Variants in NTM observed in about 807,000 individuals in gnomAD.
The protein encoded by NTM is IgLON family member 2.
Under a neutral mutation model 42.1 loss-of-function variants are expected in NTM, and 13 were observed. The ratio of observed to expected loss-of-function variants is 0.31; its 90% CI spans 0.20 to 0.49. NTM has a LOEUF of 0.49. NTM is among the 20% of genes least tolerant of loss of function. The pLI, the probability that NTM is intolerant of heterozygous loss-of-function variation, is 0.99. For missense variants in NTM, 373 were observed against 452.8 expected, an observed-to-expected ratio of 0.82 and a Z score of 1.60; for synonymous variants, 187 against 179.2, an observed-to-expected ratio of 1.04 and a Z score of -0.35.
In NTM at chr11:132,008,467, T is replaced by C. The variant is rs140822497; in HGVS notation, c.167+96819T>C. Among the ~76,000 whole-genome samples, 486 of 152,140 alleles carry C rather than the reference T, an allele frequency of 3.2e-3. 3 individuals are homozygous for C. The highest frequency in any genetic ancestry group is 0.011 in the African/African-American group (472 of 41,476). ...ACTATGTATTTACTTTTTTCTAAGA[T>C]TCTGAATGTTAAAGCGTTAGTATAG... is the stretch of plus-strand genomic sequence containing the variant. On this transcript the variant is annotated intron_variant, in intron 2 of 8. Coordinates refer to ENST00000683400, the MANE Select transcript of NTM (RefSeq NM_001352005.2).
intron 2 of NTM, among the ~76,000 whole-genome samples, chr11:132,050,815 C>T (rs982091343): frequency 6.6e-6 from 1 of 152,222 alleles, no homozygotes; most frequent in African/African-American, 2.4e-5. Flanking sequence ...GCAGGGCTGG[C>T]TGGTGTCTCT....
intron 1 of NTM, chr11:131,535,537 C>T (rs1347425508): frequency 1.3e-5 from 2 of 152,180 alleles, no homozygotes; most frequent in Non-Finnish European, 2.9e-5. Flanking sequence ...CTGTTAACTG[C>T]TATACAAATG....
intron 1 of NTM, among the ~76,000 whole-genome samples, chr11:131,405,435 C>G (rs992055266): frequency 6.6e-6 from 1 of 151,826 alleles, no homozygotes; most frequent in Non-Finnish European, 1.5e-5. Context: ...TTGCCCAAAC[C>G]AAAACCTAAG....
intron 4 of NTM, among the ~76,000 whole-genome samples, chr11:132,263,892 A>G: frequency 6.6e-6 from 1 of 152,158 alleles, no homozygotes; most frequent in East Asian, 1.9e-4. Flanking sequence ...TACCATTCAT[A>G]TTTCTACCAA....
chr11:131,483,067 G>T (rs901815252), intron 1 of NTM, among the ~76,000 whole-genome samples: 2 of 152,196 alleles, frequency 1.3e-5, no homozygotes, highest in African/African-American at 4.8e-5. Context: ...GCATCAGGTT[G>T]TTGAAGCATT....
rs192028313 is a variant in NTM, at chr11:132,307,789, G to A, written c.627G>A (p.Ala209=). Residue 209 remains alanine, a synonymous_variant, in exon 5 of 9, where the codon GCG becomes GCA. Transcript: ENST00000683400. Reference sequence around the variant, plus strand: ...GCAGTGCCTCCAATGACGTGGCCGCGCCCGTGGTACGGAGAGTAAAGGTCA... The same window carrying A: ...GCAGTGCCTCCAATGACGTGGCCGCACCCGTGGTACGGAGAGTAAAGGTCA... The part of the protein sequence containing the change: ...YECSASNDVA[A]PVVRRVKVTV... The A allele has an allele frequency of 3.6e-5, 58 of 1,614,174 alleles. No individual in the cohort carries two copies. The highest frequency in any genetic ancestry group is 1.6e-4 in the South Asian group (15 of 91,082).
intron 1 of NTM, among the ~76,000 whole-genome samples, chr11:131,883,862 C>A (rs1344846182): frequency 2.0e-5 from 3 of 152,118 alleles, no homozygotes; most frequent in Non-Finnish European, 4.4e-5. Context: ...CGTGGACAAG[C>A]CCTGCTTTTC....
intron 1 of NTM, among the ~76,000 whole-genome samples, chr11:131,789,490 G>GC (rs2090085139): frequency 4.1e-4 from 2 of 4,844 alleles, no homozygotes; most frequent in African/African-American, 1.6e-3. Context: ...AGAAGAAGAA[G>GC]AGGAAAGAAG....
At chr11:132,303,028 A>G (rs1314376765) in intron 4 of NTM, among the ~76,000 whole-genome samples, 1 of 152,238 alleles carries the variant, frequency 6.6e-6, no homozygotes, top group Non-Finnish European at 1.5e-5. Flanking sequence ...CAGACAGACT[A>G]TGTACTAGCA....
At position 131,994,227 on chromosome 11, in the gene NTM, A is replaced by G. The variant is rs1478632966; in HGVS notation, c.167+82579A>G. ...AGTTGTATTCTTTATTGTTATTTAC[A>G]TACATATCTGTCTTCCCTACCTAAT... On this transcript the variant is annotated intron_variant, in intron 2 of 8. Transcript: ENST00000683400. Among the ~76,000 whole-genome samples, 5 of 152,318 alleles carry G rather than the reference A, an allele frequency of 3.3e-5. No homozygotes were observed. The East Asian group carries it at 9.6e-4, about 29-fold the overall frequency.
At chr11:132,107,447 C>A (rs1230591677) in intron 2 of NTM, among the ~76,000 whole-genome samples, 2 of 147,402 alleles carry the variant, frequency 1.4e-5, no homozygotes, top group Non-Finnish European at 3.0e-5. Context: ...ACTCCCCAAG[C>A]TCAAGAGATC....
intron 1 of NTM, among the ~76,000 whole-genome samples, chr11:131,552,374 C>T (rs1332082093): frequency 6.6e-6 from 1 of 152,106 alleles, no homozygotes; most frequent in Non-Finnish European, 1.5e-5. Context: ...AAATTATACT[C>T]CTGGTTGAAA....
chr11:131,582,739 C>A (rs1347207609), intron 1 of NTM, among the ~76,000 whole-genome samples: 3 of 152,150 alleles, frequency 2.0e-5, no homozygotes, highest in African/African-American at 7.2e-5. Context: ...ATGTCACATT[C>A]CCCACGTCCA....
intron 2 of NTM, among the ~76,000 whole-genome samples, chr11:132,008,129 A>C (rs1027431342): frequency 3.3e-5 from 5 of 152,124 alleles, no homozygotes; most frequent in African/African-American, 1.2e-4. Flanking sequence ...TAAGCAGGGA[A>C]TTGGGGTTAG....
chr11:131,839,865 C>T (rs936925968), intron 1 of NTM, among the ~76,000 whole-genome samples: 7 of 152,138 alleles, frequency 4.6e-5, no homozygotes, highest in African/African-American at 1.2e-4. Flanking sequence ...GGGAGATAGT[C>T]AGTTTCTAGA....
chr11:132,048,861 G>T (rs550049805), intron 2 of NTM, among the ~76,000 whole-genome samples: 1 of 139,336 alleles, frequency 7.2e-6, no homozygotes, highest in African/African-American at 2.7e-5. Flanking sequence ...CATGAAAACC[G>T]TGTACTCTTT....
chr11:132,166,816 T>C (rs1325572545), intron 3 of NTM, among the ~76,000 whole-genome samples: 1 of 152,194 alleles, frequency 6.6e-6, no homozygotes, highest in Non-Finnish European at 1.5e-5. Context: ...TGACCATCAT[T>C]CCTAGCATTA....
rs1659395012 is a variant in NTM, at chr11:132,146,586, C to G, written c.400+72C>G. The G allele has an allele frequency of 1.3e-6, 2 of 1,495,158 alleles. No homozygotes were observed. Among genetic ancestry groups the G allele is most frequent in the African/African-American group, 2.8e-5 (2 of 72,424 alleles). 92.6% of individuals were successfully genotyped at this position (1,495,158 alleles called of 1,614,324 possible). A position where few individuals can be genotyped will look rare whatever the true frequency, so the allele number is the denominator to read the frequency against. ...AAGCCTTCAGGTAAAGGTTTGTTCT[C>G]TGATCCTCAACAGAGATGAGTTATC... is the stretch of plus-strand genomic sequence containing the variant. On this transcript the variant is annotated intron_variant, in intron 3 of 8. Coordinates refer to ENST00000683400, the MANE Select transcript of NTM (RefSeq NM_001352005.2). This position sits in a 1 kb window ranked among gnomAD's most constrained non-coding sequence, Gnocchi z 4.5.
chr11:132,238,988 G>A (rs978711681), intron 4 of NTM, among the ~76,000 whole-genome samples: 1 of 152,148 alleles, frequency 6.6e-6, no homozygotes, highest in Non-Finnish European at 1.5e-5. Context: ...CATTTTTGAG[G>A]TGGGCAAACA....
Sources: gnomAD v4.1 joint callset for allele counts (sites outside exome capture counted in the v4.1 genomes callset) on GRCh38, gnomAD v4.1.1 for gene constraint, Gnocchi (gnomAD v3.1) non-coding constraint, MANE v1.5 for transcripts, NCBI Gene and HGNC (gene_info 2026-07-23, HGNC 2026-07-21) for gene names.